The following DMD variants were observed in gnomAD, a reference collection of about 807,000 sequenced individuals.
DMD encodes mutant dystrophin.
In DMD, 63 loss-of-function variants were observed where a neutral mutation model predicts 330.1. The ratio of observed to expected loss-of-function variants is 0.19; its 90% CI spans 0.16 to 0.24. The LOEUF (loss-of-function observed/expected upper bound fraction) is 0.24, where lower values mean the gene tolerates loss of function less well. DMD is among the 10% of genes least tolerant of loss of function. The probability of loss-of-function intolerance (pLI) is 1.00; values close to 1 mark genes in which losing one functional copy is unlikely to be tolerated. For missense variants in DMD, 3,344 were observed against 2,684.1 expected, an observed-to-expected ratio of 1.25 and a Z score of -5.43; for synonymous variants, 1,223 against 959.8, an observed-to-expected ratio of 1.27 and a Z score of -5.07.
At chrX:32,767,258 G>T (rs1339434221) in intron 7 of DMD, among the ~76,000 whole-genome samples, 1 of 111,157 alleles carries the variant, frequency 9.0e-6, no homozygotes, top group Non-Finnish European at 1.9e-5. Context: ...TTAGAAAACA[G>T]ATGTAGAAAA....
chrX:31,597,558 GCTTCTTA>G (rs2077163623), intron 55 of DMD, among the ~76,000 whole-genome samples: 1 of 111,520 alleles, frequency 9.0e-6, no homozygotes, highest in Non-Finnish European at 1.9e-5. Flanking sequence ...TCTCCTCTCT[GCTTCTTA>G]CTTAATAAGC....
intron 50 of DMD, among the ~76,000 whole-genome samples, chrX:31,818,861 T>G (rs2092693246): frequency 9.0e-6 from 1 of 111,100 alleles, no homozygotes; most frequent in Non-Finnish European, 1.9e-5. Context: ...GGGCTTCTTT[T>G]AATCCAAGCA....
intron 52 of DMD, among the ~76,000 whole-genome samples, chrX:31,702,316 T>A (rs1165448385): frequency 1.8e-5 from 2 of 112,042 alleles, no homozygotes; most frequent in Admixed American, 9.5e-5. Context: ...CTAAGAATTG[T>A]CTCTTGAACT....
chrX:32,648,834 G>A (rs1445911893), intron 9 of DMD, among the ~76,000 whole-genome samples: 1 of 111,411 alleles, frequency 9.0e-6, no homozygotes, highest in East Asian at 2.8e-4. Context: ...ATTTTACATT[G>A]TACCTAAGAT....
At chrX:32,469,584 T>C (rs779980460) in intron 22 of DMD, among the ~76,000 whole-genome samples, 1 of 111,509 alleles carries the variant, frequency 9.0e-6, no homozygotes, top group African/African-American at 3.2e-5. Context: ...ATTTGTTTTT[T>C]TACTTTACTT....
chrX:32,395,324 T>C (rs1165480470), intron 30 of DMD, among the ~76,000 whole-genome samples: 1 of 111,182 alleles, frequency 9.0e-6, no homozygotes, highest in Non-Finnish European at 1.9e-5. Flanking sequence ...TACAGAAGCC[T>C]TATTTTAAGA....
intron 62 of DMD, among the ~76,000 whole-genome samples, chrX:31,319,249 T>A (rs2056255547): frequency 8.9e-6 from 1 of 112,175 alleles, no homozygotes; most frequent in Admixed American, 9.5e-5. Context: ...AAGCTTATCT[T>A]TCCGTCAAGG....
chrX:31,248,600 A>T (rs2049048474), intron 63 of DMD, among the ~76,000 whole-genome samples: 1 of 109,910 alleles, frequency 9.1e-6, no homozygotes, highest in Admixed American at 9.7e-5. Context: ...TGTCCATGGG[A>T]TCTCCTGTAC....
chrX:31,585,323 C>CAAAAAAAA (rs1213158531), intron 55 of DMD, among the ~76,000 whole-genome samples: 1 of 36,121 alleles, frequency 2.8e-5, no homozygotes, highest in Non-Finnish European at 4.8e-5. Flanking sequence ...GACCCTGTCT[C>CAAAAAAAA]AAAAAAAAAA....
chrX:32,778,860 C>G (rs902032170), intron 7 of DMD, among the ~76,000 whole-genome samples: 2 of 106,678 alleles, frequency 1.9e-5, no homozygotes, highest in Non-Finnish European at 3.8e-5. Flanking sequence ...AACCTTAATT[C>G]CCCTGTGTCA....
intron 23 of DMD, among the ~76,000 whole-genome samples, chrX:32,467,261 T>A (rs774474532): frequency 8.9e-6 from 1 of 111,875 alleles, no homozygotes; most frequent in Non-Finnish European, 1.9e-5. Flanking sequence ...CATAACGTTT[T>A]CGACATTTCC....
chrX:32,501,637 C>T, intron 19 of DMD, 118 bp downstream of exon 19: 1 of 554,082 alleles, frequency 1.8e-6, no homozygotes, highest in East Asian at 3.7e-5. Context: ...ATACAAACAC[C>T]TTTTAATTTA....
intron 5 of DMD, among the ~76,000 whole-genome samples, chrX:32,820,163 G>A (rs1169398592): frequency 1.8e-5 from 2 of 112,521 alleles, no homozygotes; most frequent in Admixed American, 9.4e-5. Context: ...AAATGGGCTG[G>A]GTGCGGTGGC....
chrX:31,155,531 C>T (rs2038009223), intron 74 of DMD, among the ~76,000 whole-genome samples: 1 of 112,286 alleles, frequency 8.9e-6, no homozygotes, highest in African/African-American at 3.2e-5. Flanking sequence ...GCAGCTAAAT[C>T]ATATCCACCA....
At chrX:31,493,413 T>C (rs1415253989) in intron 57 of DMD, among the ~76,000 whole-genome samples, 1 of 112,591 alleles carries the variant, frequency 8.9e-6, no homozygotes. Flanking sequence ...GTTTGCACAA[T>C]GTCCGAGCCA....
intron 55 of DMD, among the ~76,000 whole-genome samples, chrX:31,601,607 T>G (rs948942336): frequency 1.8e-5 from 2 of 111,877 alleles, no homozygotes; most frequent in Non-Finnish European, 1.9e-5. Context: ...CTCTTCAAGC[T>G]TAGGGGAGCT....
chrX:31,779,276 A>G (rs2090874416), intron 50 of DMD, among the ~76,000 whole-genome samples: 1 of 111,753 alleles, frequency 8.9e-6, no homozygotes, highest in Non-Finnish European at 1.9e-5. Flanking sequence ...ATCCCTAAGG[A>G]GCATGGGAAA....
chrX:31,179,537 C>T (rs62590108), intron 69 of DMD, among the ~76,000 whole-genome samples: 7,461 of 111,611 alleles, frequency 0.067, 226 homozygotes, highest in East Asian at 0.15. Flanking sequence ...GAAGAGGAGA[C>T]TGTAAGAATT....
intron 74 of DMD, among the ~76,000 whole-genome samples, chrX:31,160,772 T>G (rs138227650): frequency 0.014 from 1,533 of 111,825 alleles, 24 homozygotes; most frequent in African/African-American, 0.045. Flanking sequence ...TAGGCAACAG[T>G]GACCTTTATC....
Sources: gnomAD v4.1 joint callset for allele counts (sites outside exome capture counted in the v4.1 genomes callset) on GRCh38, gnomAD v4.1.1 for gene constraint, MANE v1.5 for transcripts, NCBI Gene and HGNC (gene_info 2026-07-23, HGNC 2026-07-21) for gene names.